CRTAC1: variants seen among roughly 807,000 people sequenced by gnomAD.
CRTAC1 encodes acidic secreted protein in cartilage.
In CRTAC1, 37 loss-of-function variants were observed where a neutral mutation model predicts 67.8. The ratio of observed to expected loss-of-function variants is 0.55; its 90% CI spans 0.42 to 0.72. The LOEUF (loss-of-function observed/expected upper bound fraction) is 0.72, where lower values mean the gene tolerates loss of function less well. CRTAC1 is among the 30% of genes least tolerant of loss of function. The probability of loss-of-function intolerance (pLI) is 0.00; values close to 1 mark genes in which losing one functional copy is unlikely to be tolerated. For missense variants in CRTAC1, 780 were observed against 931.6 expected (o/e 0.84, Z 2.12); for synonymous variants, 348 against 371.0 (o/e 0.94, Z 0.71).
Position 97,895,146 on chromosome 10 carries a change from G to A in CRTAC1, c.1486+99C>T. 1.6e-6 allele frequency: 2 copies of A among 1,221,642 alleles called. No homozygotes were observed. The highest frequency in any genetic ancestry group is 2.5e-5 in the East Asian group (1 of 40,424). The allele number at this position is 1,221,642 out of a possible 1,614,324, so 75.7% of individuals were successfully genotyped here. ...GCTGGTGTCCACCATGGCTGTCACA[G>A]TAGAGCGGAGCGGTGCCCAAGGATG... On this transcript the variant is annotated intron_variant, in intron 11 of 14. Transcript: ENST00000370597. This position sits in a 1 kb window ranked among gnomAD's most constrained non-coding sequence, Gnocchi z 4.2.
At chr10:97,943,710 T>G (rs951765455) in intron 2 of CRTAC1, among the ~76,000 whole-genome samples, 6 of 152,264 alleles carry the variant, frequency 3.9e-5, no homozygotes, top group African/African-American at 1.4e-4. Context: ...GTGGGCCAAA[T>G]GGTCTGCTTC....
rs1319651816 is a variant in CRTAC1, at chr10:98,030,074, C to G, written c.24+375G>C. 1.3e-5 allele frequency among the ~76,000 whole-genome samples: 2 copies of G among 152,166 alleles called. No individual in the cohort carries two copies. The highest frequency in any genetic ancestry group is 4.8e-5 in the African/African-American group (2 of 41,452). Reference sequence around the variant, plus strand: ...GCTGACTGGGAGACTCTCCCGATAGCCCGGCACATCCCTCCTCACCCGCTC... The same window carrying G: ...GCTGACTGGGAGACTCTCCCGATAGGCCGGCACATCCCTCCTCACCCGCTC... On this transcript the variant is annotated intron_variant, in intron 1 of 14. Coordinates refer to ENST00000370597, the MANE Select transcript of CRTAC1 (RefSeq NM_018058.7). This position sits in a 1 kb window ranked among gnomAD's most constrained non-coding sequence, Gnocchi z 4.2.
chr10:97,893,740 C>T lies in CRTAC1; in HGVS notation c.1486+1505G>A, dbSNP rs182982009. 2.8e-3 allele frequency among the ~76,000 whole-genome samples: 433 copies of T among 152,216 alleles called. 1 individual carries two copies. Among genetic ancestry groups the T allele is most frequent in the Non-Finnish European group, 5.2e-3 (352 of 68,006 alleles). ...CGGGCTGCCCTTGATGATGGTCACA[C>T]CCACCCCTCTCTCTTCCACCATCTC... On this transcript the variant is annotated intron_variant, in intron 11 of 14. Coordinates refer to ENST00000370597, the MANE Select transcript of CRTAC1 (RefSeq NM_018058.7).
At chr10:98,007,392 G>C (rs1842812513) in intron 2 of CRTAC1, among the ~76,000 whole-genome samples, 4 of 152,192 alleles carry the variant, frequency 2.6e-5, no homozygotes, top group Non-Finnish European at 5.9e-5. Context: ...CAAAGCTGAA[G>C]ATAATAAAAA....
intron 9 of CRTAC1, 76 bp downstream of exon 9, chr10:97,896,833 T>TC: frequency 8.9e-6 from 4 of 450,858 alleles, no homozygotes; most frequent in East Asian, 4.6e-5. Context: ...GGCTGCCCCG[T>TC]CCCTCCCGCC....
chr10:97,866,045 A>AG (rs1000986988), intron 14 of CRTAC1: 1 of 306,032 alleles, frequency 3.3e-6, no homozygotes. Context: ...CAACCCTGCG[A>AG]GGGGGGCCGA....
chr10:98,021,394 C>T (rs1212640400), intron 1 of CRTAC1, among the ~76,000 whole-genome samples: 1 of 152,154 alleles, frequency 6.6e-6, no homozygotes, highest in Non-Finnish European at 1.5e-5. Context: ...CAGACAAAAC[C>T]TCGGGGGACC....
At chr10:97,973,845 A>G (rs1441719360) in intron 2 of CRTAC1, among the ~76,000 whole-genome samples, 3 of 151,886 alleles carry the variant, frequency 2.0e-5, no homozygotes, top group Non-Finnish European at 2.9e-5. Context: ...CTTTGAAGTC[A>G]GGGGTGTGTG....
rs371773105 is a variant in CRTAC1 at position 97,875,776 on chromosome 10, C to T, written c.1819+4473G>A. On this transcript the variant is annotated intron_variant, in intron 14 of 14. Transcript: ENST00000370597. ...GGAGTCTGGAGCGGAGTTCCTGCTTCGGCCGAGGTCCAGTGGCACTGGCCT... is the reference window on the plus strand; with the variant it reads ...GGAGTCTGGAGCGGAGTTCCTGCTTTGGCCGAGGTCCAGTGGCACTGGCCT... The T allele has an allele frequency of 1.3e-3, 202 of 152,364 alleles. 7 individuals carry two copies. In the South Asian group the frequency reaches 0.041, roughly 31 times the overall value. 9.4% of individuals were successfully genotyped at this position (152,364 alleles called of 1,614,324 possible). A position where few individuals can be genotyped will look rare whatever the true frequency, so the allele number is the denominator to read the frequency against.
intron 14 of CRTAC1, chr10:97,868,802 G>A (rs940689263): frequency 6.6e-6 from 1 of 152,066 alleles, no homozygotes. Flanking sequence ...CCAAATCTGG[G>A]TGCTTATCTG....
chr10:98,024,735 AT>A (rs1843189657), intron 1 of CRTAC1, among the ~76,000 whole-genome samples: 1 of 115,202 alleles, frequency 8.7e-6, no homozygotes, highest in African/African-American at 3.2e-5. Context: ...AAAGAGAATG[AT>A]TATATTATCC....
rs2050250296 is a variant in CRTAC1, at chr10:97,884,213, G to A, written c.1625C>T (p.Pro542Leu). ...RDEDTLQDPA[P>L]LECGQGFSQQ... ...CCAGATGCCTTTGCCCACCTCCAGT[G>A]GGGCTGGGTCCTGAAGTGTGTCCTC... Residue 542 changes from proline to leucine, a missense_variant, in exon 12 of 15, where the codon CCA becomes CTA. Transcript: ENST00000370597. The A allele has an allele frequency of 6.4e-7, 1 of 1,567,802 alleles. No homozygotes were observed. The highest frequency in any genetic ancestry group is 8.7e-7 in the Non-Finnish European group (1 of 1,155,316).
At chr10:97,993,804 T>C (rs1590272173) in intron 2 of CRTAC1, among the ~76,000 whole-genome samples, 1 of 152,212 alleles carries the variant, frequency 6.6e-6, no homozygotes, top group East Asian at 1.9e-4. Context: ...TGCAATCTAA[T>C]GTGAGAGGAG....
chr10:98,001,204 A>G (rs1272404283), intron 2 of CRTAC1, among the ~76,000 whole-genome samples: 1 of 152,240 alleles, frequency 6.6e-6, no homozygotes, highest in Non-Finnish European at 1.5e-5. Flanking sequence ...GAACCGCCAT[A>G]GTAGGATATT....
chr10:97,980,039 C>T (rs1160428626), intron 2 of CRTAC1, among the ~76,000 whole-genome samples: 2 of 152,164 alleles, frequency 1.3e-5, no homozygotes, highest in African/African-American at 4.8e-5. Flanking sequence ...GGTCCAATGG[C>T]CTGTGTAAGC....
rs558805793 is a variant in CRTAC1 at position 97,951,284 on chromosome 10, G to C, written c.225-14918C>G. Among the ~76,000 whole-genome samples, 4 of 152,288 alleles carry C rather than the reference G, an allele frequency of 2.6e-5. No homozygotes were observed. The South Asian group carries it at 8.3e-4, about 32-fold the overall frequency. ...GCTGCAGCTAGTGGGGGTAGGACTG[G>C]CTATGTCTTGAGAAATAATGGTTGG... On this transcript the variant is annotated intron_variant, in intron 2 of 14. Coordinates refer to ENST00000370597, the MANE Select transcript of CRTAC1 (RefSeq NM_018058.7).
At chr10:97,967,229 C>T (rs929518486) in intron 2 of CRTAC1, among the ~76,000 whole-genome samples, 2 of 152,142 alleles carry the variant, frequency 1.3e-5, no homozygotes, top group African/African-American at 4.8e-5. Context: ...TAATCCAATA[C>T]AACTTTATTT....
At chr10:97,977,690 G>A (rs1467507474) in intron 2 of CRTAC1, among the ~76,000 whole-genome samples, 8 of 152,140 alleles carry the variant, frequency 5.3e-5, no homozygotes, top group African/African-American at 1.9e-4. Flanking sequence ...GGAATTATAC[G>A]CCATTCTTGG....
intron 11 of CRTAC1, among the ~76,000 whole-genome samples, chr10:97,889,260 C>T (rs1341933022): frequency 6.6e-6 from 1 of 151,972 alleles, no homozygotes; most frequent in Admixed American, 6.6e-5. Flanking sequence ...GAGTGAGCTG[C>T]CTCAGCCCGC....
Sources: gnomAD v4.1 joint callset for allele counts (sites outside exome capture counted in the v4.1 genomes callset) on GRCh38, gnomAD v4.1.1 for gene constraint, Gnocchi (gnomAD v3.1) non-coding constraint, MANE v1.5 for transcripts, NCBI Gene and HGNC (gene_info 2026-07-23, HGNC 2026-07-21) for gene names.